MALRD1: variants seen among roughly 807,000 people sequenced by gnomAD.
The protein encoded by MALRD1 is MAM and LDL receptor class A domain containing 1.
In MALRD1, 247 loss-of-function variants were observed where a neutral mutation model predicts 242.1. The observed-to-expected ratio is 1.02, with a 90% CI of 0.92 to 1.13. MALRD1 has a LOEUF of 1.13. Ranked by LOEUF, MALRD1 falls within the 50% of genes most tolerant of loss-of-function variation. The pLI is 0.00. For missense variants in MALRD1, 2,989 were observed against 2,533.1 expected (o/e 1.18, Z -3.86); for synonymous variants, 995 against 866.6 (o/e 1.15, Z -2.60).
intron 38 of MALRD1, among the ~76,000 whole-genome samples, chr10:19,715,551 C>T (rs552673648): frequency 4.6e-5 from 7 of 152,142 alleles, no homozygotes; most frequent in Non-Finnish European, 7.4e-5. Context: ...TATATGTTAG[C>T]CAAGTAAATA....
At chr10:19,670,185 G>A (rs1490910969) in intron 36 of MALRD1, among the ~76,000 whole-genome samples, 2 of 151,828 alleles carry the variant, frequency 1.3e-5, no homozygotes, top group Admixed American at 1.3e-4. Flanking sequence ...ATGCTTTCTG[G>A]AAGTTAAAAA....
rs183719223 is a variant in MALRD1 at position 19,059,457 on chromosome 10, G to A, written c.200-7262G>A. On this transcript the variant is annotated intron_variant, in intron 1 of 39. Transcript: ENST00000454679. The stretch of plus-strand genomic sequence containing the variant: ...GGCTGGAGTGCAGTGGCATGATCTC[G>A]GCTCACTGCAACCTCTGCCTCCCGG... 8.1e-4 allele frequency among the ~76,000 whole-genome samples: 123 copies of A among 151,972 alleles called. 3 individuals carry two copies. In the East Asian group the frequency reaches 0.017, roughly 21 times the overall value.
chr10:19,581,909 C>A (rs148517079), intron 33 of MALRD1, among the ~76,000 whole-genome samples: 22 of 152,272 alleles, frequency 1.4e-4, no homozygotes, highest in African/African-American at 5.1e-4. Context: ...TAATGATTCC[C>A]ATTCTAACTG....
chr10:19,709,186 A>G (rs1389454409), intron 38 of MALRD1, among the ~76,000 whole-genome samples: 2 of 149,178 alleles, frequency 1.3e-5, no homozygotes, highest in Non-Finnish European at 3.0e-5. Context: ...TGGGAAGACC[A>G]CTTTAGGCCA....
chr10:19,047,771 T>A (rs1834374692), upstream of MALRD1, among the ~76,000 whole-genome samples: 1 of 152,142 alleles, frequency 6.6e-6, no homozygotes, highest in Non-Finnish European at 1.5e-5. Context: ...AATGTATGTA[T>A]ATACTTTTTC....
chr10:19,535,302 T>A (rs2131361061), intron 32 of MALRD1, among the ~76,000 whole-genome samples: 1 of 152,232 alleles, frequency 6.6e-6, no homozygotes, highest in Admixed American at 6.5e-5. Flanking sequence ...GTAGAACAAT[T>A]AATTCTGTGA....
chr10:19,155,055 C>G lies in MALRD1; in HGVS notation c.1559-20C>G, dbSNP rs556510968. 207 of 1,225,206 alleles carry G rather than the reference C, an allele frequency of 1.7e-4. 2 individuals are homozygous for G. The highest frequency in any genetic ancestry group is 4.0e-5 in the Non-Finnish European group (39 of 982,228). The allele number at this position is 1,225,206 out of a possible 1,614,324, so 75.9% of individuals were successfully genotyped here. On this transcript the variant is annotated intron_variant, in intron 11 of 39. Coordinates refer to ENST00000454679, the MANE Select transcript of MALRD1 (RefSeq NM_001142308.3). Reference sequence around the variant, plus strand: ...TGTAAGAGAACTTGCATCCCTATGACTTTCCCTTTGTTTTTTCAGGATCGT... The same window carrying G: ...TGTAAGAGAACTTGCATCCCTATGAGTTTCCCTTTGTTTTTTCAGGATCGT...
At chr10:19,530,439 A>AATAT (rs1468184871) in intron 31 of MALRD1, among the ~76,000 whole-genome samples, 9 of 90,674 alleles carry the variant, frequency 9.9e-5, no homozygotes, top group Admixed American at 6.3e-4. Flanking sequence ...AATATATATA[A>AATAT]TATATAATAT....
chr10:19,192,614 G>A (rs913078439), intron 14 of MALRD1, among the ~76,000 whole-genome samples: 12 of 152,102 alleles, frequency 7.9e-5, no homozygotes, highest in African/African-American at 2.7e-4. Flanking sequence ...TAGAGCCATC[G>A]TACCTTGTAC....
At chr10:19,590,426 T>A (rs1837711809) in intron 33 of MALRD1, among the ~76,000 whole-genome samples, 1 of 149,904 alleles carries the variant, frequency 6.7e-6, no homozygotes, top group African/African-American at 2.4e-5. Flanking sequence ...TGGTTAGATA[T>A]CTATCTATAG....
At position 19,081,028 on chromosome 10, in the gene MALRD1, G is replaced by C. The variant is rs2358296; in HGVS notation, c.341-6812G>C. Among the ~76,000 whole-genome samples the C allele has an allele frequency of 2.0e-5, 3 of 152,004 alleles. No individual in the cohort carries two copies. In the East Asian group the frequency reaches 5.8e-4, roughly 29 times the overall value. ...ATATGAAAAAAACCTCAACATCATT[G>C]ATTAGTAGAGAAATGCAAATCAAAA... is the stretch of plus-strand genomic sequence containing the variant. On this transcript the variant is annotated intron_variant, in intron 2 of 39. Coordinates refer to ENST00000454679, the MANE Select transcript of MALRD1 (RefSeq NM_001142308.3).
chr10:19,237,817 T>C (rs1203340394), intron 18 of MALRD1, among the ~76,000 whole-genome samples: 1 of 120,908 alleles, frequency 8.3e-6, no homozygotes, highest in Non-Finnish European at 1.6e-5. Flanking sequence ...TTATATAGAA[T>C]TTTATATGTA....
At position 19,223,580 on chromosome 10, in the gene MALRD1, G is replaced by C. The variant is rs145167359; in HGVS notation, c.2991+13900G>C. Among the ~76,000 whole-genome samples the C allele has an allele frequency of 2.6e-3, 390 of 152,120 alleles. 3 individuals are homozygous for C. Among genetic ancestry groups the C allele is most frequent in the African/African-American group, 9.0e-3 (375 of 41,496 alleles). On this transcript the variant is annotated intron_variant, in intron 18 of 39. Coordinates refer to ENST00000454679, the MANE Select transcript of MALRD1 (RefSeq NM_001142308.3). ...CACATACATACACTTTAAGTTCTGG[G>C]ATACATATGCAGAACTTGCAGTTTT...
intron 4 of MALRD1, among the ~76,000 whole-genome samples, chr10:19,097,736 C>G (rs1365657296): frequency 6.6e-6 from 1 of 152,150 alleles, no homozygotes; most frequent in Non-Finnish European, 1.5e-5. Context: ...ATAACATTTA[C>G]TAAACAGACC....
At chr10:19,423,890 G>T (rs1183132855) in intron 28 of MALRD1, among the ~76,000 whole-genome samples, 2 of 152,160 alleles carry the variant, frequency 1.3e-5, no homozygotes, top group Non-Finnish European at 2.9e-5. Context: ...ATAGGAAGAG[G>T]CTGACTCAAA....
intron 33 of MALRD1, among the ~76,000 whole-genome samples, chr10:19,574,217 C>T (rs1370667409): frequency 1.3e-5 from 2 of 152,182 alleles, no homozygotes; most frequent in African/African-American, 2.4e-5. Context: ...TAACTATTTT[C>T]AGATGTAATC....
rs1840256364 is a variant in MALRD1, at chr10:19,271,745, A to G, written c.3080-8302A>G. On this transcript the variant is annotated intron_variant, in intron 19 of 39. Coordinates refer to ENST00000454679, the MANE Select transcript of MALRD1 (RefSeq NM_001142308.3). The stretch of plus-strand genomic sequence containing the variant: ...ACCACTGCACTCCATCCTGGGCAAC[A>G]GAGCGAGATTCTGTCTCAAAAAAAT... Among the ~76,000 whole-genome samples the G allele has an allele frequency of 3.3e-5, 5 of 152,246 alleles. 1 individual carries two copies. The highest frequency in any genetic ancestry group is 3.3e-4 in the Admixed American group (5 of 15,282).
At chr10:19,504,664 ATTTTTTTTTTTT>A (rs759213931) in intron 31 of MALRD1, among the ~76,000 whole-genome samples, 11 of 97,588 alleles carry the variant, frequency 1.1e-4, no homozygotes, top group Admixed American at 6.8e-4. Context: ...ATTGTAACAC[ATTTTTTTTTTTT>A]TTTTTTTTTT....
chr10:19,302,117 G>A (rs991528055), intron 21 of MALRD1, among the ~76,000 whole-genome samples: 4 of 151,758 alleles, frequency 2.6e-5, no homozygotes, highest in African/African-American at 9.7e-5. Flanking sequence ...GACAATAACA[G>A]GTGTTGATGA....
Sources: gnomAD v4.1 joint callset for allele counts (sites outside exome capture counted in the v4.1 genomes callset) on GRCh38, gnomAD v4.1.1 for gene constraint, MANE v1.5 for transcripts, NCBI Gene and HGNC (gene_info 2026-07-23, HGNC 2026-07-21) for gene names.